ADAM32: variants seen among roughly 807,000 people sequenced by gnomAD.
ADAM32 encodes ADAM metallopeptidase domain 32.
Under a neutral mutation model 114.9 loss-of-function variants are expected in ADAM32, and 89 were observed. The ratio of observed to expected loss-of-function variants is 0.77; its 90% CI spans 0.65 to 0.92. ADAM32 has a LOEUF of 0.92. Among genes scored for constraint, ADAM32 ranks in the 40% least tolerant of loss-of-function variants. The pLI, the probability that ADAM32 is intolerant of heterozygous loss-of-function variation, is 0.00. For missense variants in ADAM32, 870 were observed against 932.8 expected (o/e 0.93, Z 0.88); for synonymous variants, 285 against 307.5 (o/e 0.93, Z 0.77).
chr8:39,163,569 T>C (rs769361623), intron 7 of ADAM32, among the ~76,000 whole-genome samples: 1 of 152,186 alleles, frequency 6.6e-6, no homozygotes, highest in Non-Finnish European at 1.5e-5. Context: ...AAGTTACTGA[T>C]TGGGTTGAAT....
At chr8:39,119,664 CAGT>C (rs969575708) in intron 2 of ADAM32, among the ~76,000 whole-genome samples, 1 of 152,042 alleles carries the variant, frequency 6.6e-6, no homozygotes, top group Non-Finnish European at 1.5e-5. Context: ...TCATTTTTCT[CAGT>C]GGTGTTTTCT....
intron 14 of ADAM32, among the ~76,000 whole-genome samples, chr8:39,230,690 T>C (rs1467540386): frequency 6.6e-6 from 1 of 151,736 alleles, no homozygotes; most frequent in African/African-American, 2.4e-5. Flanking sequence ...ATATCAAAGA[T>C]GGTGGAAAGG....
chr8:39,251,988 G>A (rs1811338918), intron 17 of ADAM32, among the ~76,000 whole-genome samples: 1 of 151,636 alleles, frequency 6.6e-6, no homozygotes, highest in Admixed American at 6.6e-5. Context: ...TTTCTCTGTT[G>A]TACATTCTTG....
intron 12 of ADAM32, among the ~76,000 whole-genome samples, chr8:39,216,476 TTC>T (rs761887853): frequency 2.2e-4 from 33 of 151,666 alleles, no homozygotes; most frequent in Non-Finnish European, 4.7e-4. Context: ...CCTTTCCCCT[TTC>T]TCCTCTTTCC....
intron 2 of ADAM32, among the ~76,000 whole-genome samples, chr8:39,118,639 A>G (rs1382842072): frequency 6.6e-6 from 1 of 152,180 alleles, no homozygotes; most frequent in African/African-American, 2.4e-5. Flanking sequence ...TAGACTTGCC[A>G]TGTGCATACC....
chr8:39,258,584 A>C (rs959094964), intron 19 of ADAM32, among the ~76,000 whole-genome samples: 1 of 152,074 alleles, frequency 6.6e-6, no homozygotes, highest in Non-Finnish European at 1.5e-5. Context: ...TTATTTTGAG[A>C]AACTTGTCTA....
chr8:39,240,433 A>C lies in ADAM32; in HGVS notation c.1819-5650A>C, dbSNP rs575487323. On this transcript the variant is annotated intron_variant, in intron 16 of 24. Coordinates refer to ENST00000379907, the MANE Select transcript of ADAM32 (RefSeq NM_145004.7). ...TGAGATACAGCAAAAGCCGTGCTAAAAGGAAAGTTTATAGCATTAAATGCC... is the reference window on the plus strand; with the variant it reads ...TGAGATACAGCAAAAGCCGTGCTAACAGGAAAGTTTATAGCATTAAATGCC... Among the ~76,000 whole-genome samples the C allele has an allele frequency of 2.0e-5, 3 of 152,360 alleles. No homozygotes were observed. In the East Asian group the frequency reaches 5.8e-4, roughly 29 times the overall value.
chr8:39,224,720 T>C (rs1424183314), intron 14 of ADAM32, among the ~76,000 whole-genome samples: 1 of 152,184 alleles, frequency 6.6e-6, no homozygotes, highest in African/African-American at 2.4e-5. Context: ...ACTATGTTGA[T>C]TTTTTCCTTT....
At chr8:39,190,737 C>G (rs1806548382) in intron 11 of ADAM32, among the ~76,000 whole-genome samples, 1 of 152,156 alleles carries the variant, frequency 6.6e-6, no homozygotes, top group South Asian at 2.1e-4. Flanking sequence ...CCTTTGCCCA[C>G]TTTTAAGTGA....
At chr8:39,221,798 A>C (rs908177034) in intron 13 of ADAM32, 96 bp downstream of exon 13, 24 of 694,512 alleles carry the variant, frequency 3.5e-5, no homozygotes, top group Non-Finnish European at 4.8e-5. Flanking sequence ...ACATCAATTA[A>C]ATTACTTTTC....
chr8:39,274,680 A>G (rs909292779), intron 21 of ADAM32, among the ~76,000 whole-genome samples: 3 of 152,238 alleles, frequency 2.0e-5, no homozygotes, highest in South Asian at 2.1e-4. Flanking sequence ...CATGTGCTTC[A>G]TAACAATGTT....
At chr8:39,218,446 C>A (rs965482272) in intron 12 of ADAM32, among the ~76,000 whole-genome samples, 1 of 152,164 alleles carries the variant, frequency 6.6e-6, no homozygotes, top group Non-Finnish European at 1.5e-5. Flanking sequence ...GTGTCCTCCC[C>A]TTTAGGGAGC....
intron 15 of ADAM32, 50 bp downstream of exon 15, chr8:39,232,185 T>C (rs1202374073): frequency 3.4e-6 from 5 of 1,463,036 alleles, no homozygotes. Flanking sequence ...TATTAGATTT[T>C]TAAAAACTTT....
chr8:39,145,580 G>A (rs1372279235), intron 3 of ADAM32, among the ~76,000 whole-genome samples: 3 of 152,236 alleles, frequency 2.0e-5, no homozygotes, highest in East Asian at 1.9e-4. Flanking sequence ...ACTTAGAAAC[G>A]TAGAAAGACA....
chr8:39,120,391 T>C (rs189377680), intron 2 of ADAM32, among the ~76,000 whole-genome samples: 1 of 152,296 alleles, frequency 6.6e-6, no homozygotes, highest in Admixed American at 6.5e-5. Context: ...AAAAGACTTA[T>C]AGAGAAAGCT....
chr8:39,131,767 G>T (rs1448062649), intron 2 of ADAM32, among the ~76,000 whole-genome samples: 3 of 152,012 alleles, frequency 2.0e-5, no homozygotes, highest in Admixed American at 6.5e-5. Context: ...TATATTGTCT[G>T]ATATTAGTAT....
At chr8:39,135,397 C>T in intron 2 of ADAM32, among the ~76,000 whole-genome samples, 1 of 152,114 alleles carries the variant, frequency 6.6e-6, no homozygotes, top group Non-Finnish European at 1.5e-5. Context: ...AAATAAACTT[C>T]TGAAAATTTG....
intron 6 of ADAM32, 147 bp from the exon 7 acceptor site, chr8:39,160,750 A>G: frequency 1.4e-6 from 1 of 692,974 alleles, no homozygotes; most frequent in Non-Finnish European, 2.3e-6. Context: ...ATAAAACTTA[A>G]AACTTTATTT....
intron 10 of ADAM32, among the ~76,000 whole-genome samples, chr8:39,182,211 G>A (rs1485693054): frequency 2.0e-5 from 3 of 152,100 alleles, no homozygotes; most frequent in Non-Finnish European, 4.4e-5. Context: ...TAGCAGATGG[G>A]CTTTTTGATA....
Sources: gnomAD v4.1 joint callset for allele counts (sites outside exome capture counted in the v4.1 genomes callset) on GRCh38, gnomAD v4.1.1 for gene constraint, MANE v1.5 for transcripts, NCBI Gene and HGNC (gene_info 2026-07-23, HGNC 2026-07-21) for gene names.